CNTN5: variants seen among roughly 807,000 people sequenced by gnomAD.
CNTN5 encodes contactin 5.
A neutral mutation model predicts 129.1 loss-of-function variants in CNTN5; 77 were observed. That is an observed-to-expected ratio of 0.60 (90% CI 0.50 to 0.72). CNTN5 has a LOEUF of 0.72. Among genes scored for constraint, CNTN5 ranks in the 30% least tolerant of loss-of-function variants. CNTN5 has a pLI of 0.00. For missense variants in CNTN5, 1,478 were observed against 1,328.8 expected (o/e 1.11, Z -1.75); for synonymous variants, 509 against 465.6 (o/e 1.09, Z -1.20).
Position 99,645,701 on chromosome 11 carries a change from G to T in CNTN5, c.55+89432G>T, listed in dbSNP as rs558611613. 3.3e-5 allele frequency among the ~76,000 whole-genome samples: 5 copies of T among 151,976 alleles called. No individual in the cohort carries two copies. The South Asian group carries it at 1.0e-3, about 32-fold the overall frequency. ...TTCTCAGGAAACTAACACAGGAACA[G>T]AAAACCAAACACCACATGATCTCAC... On this transcript the variant is annotated intron_variant, in intron 3 of 24. Transcript: ENST00000524871.
At chr11:99,348,543 A>G (rs1938067921) in intron 2 of CNTN5, among the ~76,000 whole-genome samples, 1 of 152,182 alleles carries the variant, frequency 6.6e-6, no homozygotes, top group Non-Finnish European at 1.5e-5. Flanking sequence ...CTGCAAATGG[A>G]GAAACTCCAA....
At chr11:99,543,656 G>A (rs1232316299) in intron 2 of CNTN5, among the ~76,000 whole-genome samples, 1 of 152,130 alleles carries the variant, frequency 6.6e-6, no homozygotes, top group African/African-American at 2.4e-5. Context: ...GGTGGCTCAT[G>A]CCTGTAATCC....
chr11:99,843,077 A>G (rs1947566859), intron 4 of CNTN5, among the ~76,000 whole-genome samples: 1 of 152,186 alleles, frequency 6.6e-6, no homozygotes, highest in African/African-American at 2.4e-5. Flanking sequence ...CTAAAAATAC[A>G]AAAATTAGCT....
At chr11:100,129,369 C>T (rs565815760) in intron 13 of CNTN5, among the ~76,000 whole-genome samples, 12 of 152,210 alleles carry the variant, frequency 7.9e-5, no homozygotes, top group African/African-American at 2.6e-4. Context: ...GGCCAGTAAA[C>T]GCCCCAGTCC....
intron 10 of CNTN5, among the ~76,000 whole-genome samples, chr11:100,062,374 G>C (rs1453068212): frequency 6.6e-6 from 1 of 152,162 alleles, no homozygotes; most frequent in Non-Finnish European, 1.5e-5. Flanking sequence ...AATTCAACCA[G>C]TCTTTCTTCA....
intron 1 of CNTN5, among the ~76,000 whole-genome samples, chr11:99,028,576 T>C (rs1591067106): frequency 6.6e-6 from 1 of 152,022 alleles, no homozygotes; most frequent in South Asian, 2.1e-4. Flanking sequence ...GCCTAAGTTA[T>C]TTTAAAGTGA....
At chr11:99,954,651 A>G (rs11222026) in intron 7 of CNTN5, among the ~76,000 whole-genome samples, 20,054 of 152,170 alleles carry the variant, frequency 0.13, 1,706 homozygotes, top group Non-Finnish European at 0.17. Context: ...TTTGAAGGCA[A>G]TATTAAATAA....
intron 3 of CNTN5, among the ~76,000 whole-genome samples, chr11:99,671,047 G>T (rs7123416): frequency 0.39 from 58,516 of 151,822 alleles, 12,191 homozygotes; most frequent in East Asian, 0.59. Context: ...TATCATTCAC[G>T]TGTGCTTGCG....
intron 8 of CNTN5, among the ~76,000 whole-genome samples, chr11:99,999,267 G>A (rs1353058736): frequency 2.0e-5 from 3 of 151,922 alleles, no homozygotes; most frequent in African/African-American, 7.3e-5. Flanking sequence ...TCTGACAAAG[G>A]GCTAATATCC....
intron 17 of CNTN5, among the ~76,000 whole-genome samples, chr11:100,268,797 G>A (rs78919201): frequency 6.6e-6 from 1 of 152,160 alleles, no homozygotes; most frequent in Admixed American, 6.5e-5. Context: ...ATGGATTGGA[G>A]TGAGACAGGG....
intron 13 of CNTN5, among the ~76,000 whole-genome samples, chr11:100,096,541 T>C (rs1945016898): frequency 6.6e-6 from 1 of 152,060 alleles, no homozygotes; most frequent in South Asian, 2.1e-4. Context: ...GCTACCATTC[T>C]CCTAGCCATC....
chr11:99,679,078 T>C lies in CNTN5; in HGVS notation c.55+122809T>C, dbSNP rs986630421. 3.4e-5 allele frequency among the ~76,000 whole-genome samples: 5 copies of C among 146,236 alleles called. 1 individual carries two copies. On this transcript the variant is annotated intron_variant, in intron 3 of 24. Transcript: ENST00000524871. Reference sequence around the variant, plus strand: ...TATACTTATATATGTCTTCTATATATAGGAAATACATATACACACATATAT... The same window carrying C: ...TATACTTATATATGTCTTCTATATACAGGAAATACATATACACACATATAT...
intron 13 of CNTN5, among the ~76,000 whole-genome samples, chr11:100,188,663 T>G (rs926964017): frequency 3.0e-4 from 45 of 152,314 alleles, no homozygotes; most frequent in African/African-American, 1.1e-3. Flanking sequence ...GTTCAGCCAC[T>G]ATGGAAAGCA....
At chr11:99,676,817 T>G (rs1459829135) in intron 3 of CNTN5, among the ~76,000 whole-genome samples, 1 of 152,110 alleles carries the variant, frequency 6.6e-6, no homozygotes, top group Non-Finnish European at 1.5e-5. Context: ...AAAGGAAAAT[T>G]TATTACTGAA....
intron 1 of CNTN5, among the ~76,000 whole-genome samples, chr11:99,242,019 T>C (rs1417724996): frequency 6.6e-6 from 1 of 152,180 alleles, no homozygotes; most frequent in Non-Finnish European, 1.5e-5. Flanking sequence ...GGTAACACTA[T>C]AGTAAACCAC....
intron 2 of CNTN5, among the ~76,000 whole-genome samples, chr11:99,397,560 A>G (rs1941589144): frequency 6.6e-6 from 1 of 151,776 alleles, no homozygotes; most frequent in Non-Finnish European, 1.5e-5. Flanking sequence ...TTAGTTGGAT[A>G]CTCATTTTAA....
At chr11:99,878,453 TG>T (rs1307056051) in intron 6 of CNTN5, among the ~76,000 whole-genome samples, 2 of 152,184 alleles carry the variant, frequency 1.3e-5, no homozygotes, top group Admixed American at 6.5e-5. Flanking sequence ...AAGGTAGTGA[TG>T]GCATGTGCAA....
chr11:99,449,070 C>T (rs1473895398), intron 2 of CNTN5, among the ~76,000 whole-genome samples: 1 of 152,146 alleles, frequency 6.6e-6, no homozygotes, highest in Non-Finnish European at 1.5e-5. Flanking sequence ...GTGTGAGCCA[C>T]TGCACCCAGT....
intron 2 of CNTN5, among the ~76,000 whole-genome samples, chr11:99,521,162 T>C (rs1422603622): frequency 2.0e-5 from 3 of 152,106 alleles, no homozygotes; most frequent in Non-Finnish European, 4.4e-5. Flanking sequence ...CTCCTCCTCC[T>C]CCTCCTTCTG....
Sources: gnomAD v4.1 joint callset for allele counts (sites outside exome capture counted in the v4.1 genomes callset) on GRCh38, gnomAD v4.1.1 for gene constraint, MANE v1.5 for transcripts, NCBI Gene and HGNC (gene_info 2026-07-23, HGNC 2026-07-21) for gene names.